The following CCDC74A variants were observed in gnomAD, a reference collection of about 807,000 sequenced individuals.
CCDC74A encodes coiled-coil domain containing 74A, also known as coiled-coil domain-containing protein 74A.
Under a neutral mutation model 37.6 loss-of-function variants are expected in CCDC74A, and 38 were observed. That is an observed-to-expected ratio of 1.01 (90% CI 0.78 to 1.33). The LOEUF is 1.33. Among genes scored for constraint, CCDC74A ranks in the 40% most tolerant of loss-of-function variants. CCDC74A has a pLI of 0.00. For missense variants in CCDC74A, 340 were observed against 403.4 expected, an observed-to-expected ratio of 0.84 and a Z score of 1.35; for synonymous variants, 134 against 165.2, an observed-to-expected ratio of 0.81 and a Z score of 1.45.
rs1384453740 is a variant in CCDC74A, at chr2:131,528,096, G to A, written c.126G>A (p.Arg42=). 2 of 1,613,272 alleles carry A rather than the reference G, an allele frequency of 1.2e-6. No individual in the cohort carries two copies. Among genetic ancestry groups the A allele is most frequent in the East Asian group, 2.2e-5 (1 of 44,858 alleles). The change falls in exon 1 of 8, where the codon AGG becomes AGA. Residue 42 remains arginine (R), a synonymous_variant. Transcript: ENST00000409856. The part of the protein sequence containing the change: ...QSLRPQSPQL[R]QSDPQKRNLD... ...TGAGGCCGCAGAGCCCGCAGCTCAGGCAGAGCGACCCGCAGAAACGGAACC... is the reference window on the plus strand; with the variant it reads ...TGAGGCCGCAGAGCCCGCAGCTCAGACAGAGCGACCCGCAGAAACGGAACC...
chr2:131,523,403 A>G (rs1038424326), upstream of CCDC74A, among the ~76,000 whole-genome samples: 2 of 152,160 alleles, frequency 1.3e-5, no homozygotes, highest in African/African-American at 4.8e-5. Context: ...TGAGGCAGGA[A>G]GATCACCTGA....
chr2:131,529,557 C>G, intron 1 of CCDC74A, 90 bp from the exon 2 acceptor site: 1 of 1,574,766 alleles, frequency 6.4e-7, no homozygotes, highest in Non-Finnish European at 8.7e-7. Flanking sequence ...GACTTTTGGG[C>G]TCAGCAGCCA....
chr2:131,528,298 A>C, intron 1 of CCDC74A, 78 bp downstream of exon 1: 1 of 1,568,672 alleles, frequency 6.4e-7, no homozygotes, highest in Non-Finnish European at 8.6e-7. Flanking sequence ...GCACAGAAAC[A>C]CAGCCATCAA....
At position 131,528,495 on chromosome 2, in the gene CCDC74A, T is replaced by A. The variant is rs1390633862; in HGVS notation, c.250+275T>A. 2.0e-6 allele frequency: 3 copies of A among 1,469,912 alleles called. No homozygotes were observed. The Admixed American group carries it at 5.9e-5, about 29-fold the overall frequency. The allele number at this position is 1,469,912 out of a possible 1,614,324, so 91.1% of individuals were successfully genotyped here. On this transcript the variant is annotated intron_variant, in intron 1 of 7. Coordinates refer to ENST00000409856, the MANE Select transcript of CCDC74A (RefSeq NM_001258306.3). ...CCAATCCTCTCCTCTCCAAGCAGGG[T>A]CAGACACACCTCTGTTAAAAACTTT...
chr2:131,527,880 C>T (rs1680438268), upstream of CCDC74A: 7 of 1,406,498 alleles, frequency 5.0e-6, no homozygotes, highest in South Asian at 1.1e-4. Context: ...TTCCGTCGCC[C>T]GGTTTCCATG....
intron 3 of CCDC74A, among the ~76,000 whole-genome samples, chr2:131,531,218 C>A (rs1681236740): frequency 6.6e-6 from 1 of 152,158 alleles, no homozygotes; most frequent in Non-Finnish European, 1.5e-5. Flanking sequence ...GCCCTGGGCT[C>A]ATGGCACCTT....
At chr2:131,529,485 A>G (rs1180353047) in intron 1 of CCDC74A, 162 bp from the exon 2 acceptor site, 6 of 945,354 alleles carry the variant, frequency 6.3e-6, no homozygotes, top group Admixed American at 1.9e-5. Context: ...GACACCCACG[A>G]CGAAGGCGTG....
In CCDC74A at chr2:131,533,550, G is replaced by A; in HGVS notation, c.*152G>A. On this transcript the variant is annotated 3_prime_UTR_variant, in exon 8 of 8. Transcript: ENST00000409856. The stretch of plus-strand genomic sequence containing the variant: ...AGATAAAGTACTTGATCTCCAAACT[G>A]ACAAACTGTTTATTTTCTAGCTGTT... The A allele has an allele frequency of 1.9e-6, 2 of 1,079,024 alleles. No homozygotes were observed. Among genetic ancestry groups the A allele is most frequent in the Non-Finnish European group, 2.6e-6 (2 of 765,302 alleles). 66.8% of individuals were successfully genotyped at this position (1,079,024 alleles called of 1,614,324 possible).
At chr2:131,530,332 C>A in intron 2 of CCDC74A, 1 of 1,544,052 alleles carries the variant, frequency 6.5e-7, no homozygotes. Context: ...ATGGAGCCAG[C>A]CTGGGAACAT....
chr2:131,528,245 C>T (rs766075403), intron 1 of CCDC74A, 25 bp downstream of exon 1: 5 of 1,608,738 alleles, frequency 3.1e-6, no homozygotes, highest in African/African-American at 1.3e-5. Context: ...GGCCCTAGGC[C>T]GGCCCTGCCT....
In CCDC74A at chr2:131,529,430, C is replaced by G. The variant is rs556767141; in HGVS notation, c.251-217C>G. 32 of 704,322 alleles carry G rather than the reference C, an allele frequency of 4.5e-5. 1 individual carries two copies. The highest frequency in any genetic ancestry group is 4.2e-4 in the African/African-American group (24 of 57,286). The allele number at this position is 704,322 out of a possible 1,614,324, so 43.6% of individuals were successfully genotyped here. The stretch of plus-strand genomic sequence containing the variant: ...ATCTCAGATGGATGAGGCCGATATG[C>G]CCGGTGGGCTCTGCCTAGGGAACAG... On this transcript the variant is annotated intron_variant, in intron 1 of 7. Transcript: ENST00000409856.
intron 1 of CCDC74A, chr2:131,529,274 T>C: frequency 2.3e-6 from 1 of 426,778 alleles, no homozygotes; most frequent in Non-Finnish European, 4.4e-6. Context: ...GTTCCTAATG[T>C]CTTCTTGAGC....
intron 2 of CCDC74A, chr2:131,530,064 T>C (rs976841965): frequency 3.9e-6 from 6 of 1,550,300 alleles, no homozygotes; most frequent in East Asian, 2.4e-5. Context: ...TTTCCAGCCC[T>C]ATGGCTCTGA....
chr2:131,532,784 G>A lies in CCDC74A; in HGVS notation c.678+3G>A, dbSNP rs1681582470. The A allele has an allele frequency of 1.2e-6, 2 of 1,613,216 alleles. No individual in the cohort carries two copies. The highest frequency in any genetic ancestry group is 1.1e-5 in the South Asian group (1 of 91,064). On this transcript the variant is annotated splice_donor_region_variant and intron_variant, in intron 5 of 7. Transcript: ENST00000409856. ...CCAACCTCCTGCAGACCCAAGAGGT[G>A]AGGCCCTGGGTGGTGGGGGTGGCCC...
intron 2 of CCDC74A, chr2:131,530,265 T>C (rs1399595418): frequency 3.9e-6 from 6 of 1,544,572 alleles, no homozygotes; most frequent in Middle Eastern, 1.7e-4. Flanking sequence ...GGTCTCAAGC[T>C]CACTTCCCAT....
At chr2:131,527,358 G>C (rs887684333), upstream of CCDC74A, among the ~76,000 whole-genome samples, 1 of 152,040 alleles carries the variant, frequency 6.6e-6, no homozygotes, top group Non-Finnish European at 1.5e-5. Context: ...CTCGACCTCT[G>C]GGGTTCCAGC....
upstream of CCDC74A, among the ~76,000 whole-genome samples, chr2:131,526,065 C>T (rs889638055): frequency 6.6e-6 from 1 of 151,874 alleles, no homozygotes; most frequent in Admixed American, 6.6e-5. Context: ...ATTCACCCAC[C>T]TCAGCCTCCC....
intron 1 of CCDC74A, among the ~76,000 whole-genome samples, chr2:131,528,927 C>A (rs962852544): frequency 3.5e-5 from 5 of 144,682 alleles, no homozygotes; most frequent in South Asian, 4.9e-4. Context: ...CCCCGCCCCC[C>A]ACCCCGTCCC....
Position 131,528,003 on chromosome 2 carries a change from G to C in CCDC74A, c.33G>C (p.Arg11=), listed in dbSNP as rs773499312. ...GTGCGGGGGTGGCGGCTGGGACGCGGCCCCCCAGCTCGCCGACCCCGGGCT... is the reference window on the plus strand; with the variant it reads ...GTGCGGGGGTGGCGGCTGGGACGCGCCCCCCCAGCTCGCCGACCCCGGGCT... The part of the protein sequence containing the change: MSGAGVAAGT[R]PPSSPTPGSR... Residue 11 remains arginine (R), a synonymous_variant, in exon 1 of 8, where the codon CGG becomes CGC. Transcript: ENST00000409856. 1.4e-6 allele frequency: 2 copies of C among 1,463,952 alleles called. No individual in the cohort carries two copies. Among genetic ancestry groups the C allele is most frequent in the Non-Finnish European group, 1.8e-6 (2 of 1,108,974 alleles). 90.7% of individuals were successfully genotyped at this position (1,463,952 alleles called of 1,614,324 possible). A position where few individuals can be genotyped will look rare whatever the true frequency, so the allele number is the denominator to read the frequency against.
Sources: allele counts gnomAD v4.1 joint callset (sites outside exome capture counted in the v4.1 genomes callset), GRCh38; gene constraint gnomAD v4.1.1; transcripts MANE v1.5; gene names NCBI Gene and HGNC (gene_info 2026-07-23, HGNC 2026-07-21).